UGT1A8: variants seen among roughly 807,000 people sequenced by gnomAD.
UGT1A8 encodes the protein UDP-glucuronosyltransferase 1A8.
A neutral mutation model predicts 45.3 loss-of-function variants in UGT1A8; 39 were observed. The ratio of observed to expected loss-of-function variants is 0.86; its 90% confidence interval spans 0.67 to 1.12. The LOEUF (loss-of-function observed/expected upper bound fraction) is 1.12, where lower values mean the gene tolerates loss of function less well. UGT1A8 is among the 50% of genes most tolerant of loss of function. The pLI is 0.00. For synonymous variants in UGT1A8, 275 were observed against 249.2 expected (o/e 1.10, Z -0.97); for missense variants, 719 against 664.9 (o/e 1.08, Z -0.90).
chr2:233,694,516 A>G (rs2125559626), intron 1 of UGT1A8, among the ~76,000 whole-genome samples: 1 of 152,322 alleles, frequency 6.6e-6, no homozygotes, highest in African/African-American at 2.4e-5. Context: ...CCTGACATGT[A>G]GGAAAAGGGC....
At chr2:233,756,789 G>A (rs1696325268) in intron 1 of UGT1A8, among the ~76,000 whole-genome samples, 1 of 151,900 alleles carries the variant, frequency 6.6e-6, no homozygotes, top group Admixed American at 6.6e-5. Context: ...AAATTGTGGG[G>A]CAATACACTA....
At chr2:233,713,126 G>A in intron 1 of UGT1A8, 1 of 1,614,234 alleles carries the variant, frequency 6.2e-7, no homozygotes. Context: ...TCAGCATGCG[G>A]GAGGCCTTGC....
At chr2:233,710,997 T>C (rs1288211350) in intron 1 of UGT1A8, among the ~76,000 whole-genome samples, 1 of 152,218 alleles carries the variant, frequency 6.6e-6, no homozygotes, top group Non-Finnish European at 1.5e-5. Context: ...ATCAGGCTAT[T>C]GGATGCCTTT....
In UGT1A8 at chr2:233,672,242, G is replaced by A. The variant is rs555995846; in HGVS notation, c.855+53680G>A. 3.4e-5 allele frequency: 55 copies of A among 1,614,166 alleles called. No homozygotes were observed. The East Asian group carries it at 8.0e-4, about 24-fold the overall frequency. The stretch of plus-strand genomic sequence containing the variant: ...CATGCTCAATGGAAAGCACAAGTAC[G>A]AAGTATATATTCTCTATTAATGGGT... On this transcript the variant is annotated intron_variant, in intron 1 of 4. Transcript: ENST00000373450.
At chr2:233,767,332 A>C (rs34743975) in intron 2 of UGT1A8, among the ~76,000 whole-genome samples, 167 bp downstream of exon 2, 47 of 152,148 alleles carry the variant, frequency 3.1e-4, no homozygotes, top group Admixed American at 1.7e-3. Flanking sequence ...GGTTGTTGTC[A>C]TTGTTTTCAA....
At chr2:233,643,937 C>T (rs2073529889) in intron 1 of UGT1A8, among the ~76,000 whole-genome samples, 1 of 152,140 alleles carries the variant, frequency 6.6e-6, no homozygotes, top group African/African-American at 2.4e-5. Context: ...AGACAAAGTC[C>T]TCCCCACTTT....
chr2:233,623,426 T>C (rs2073043835), intron 1 of UGT1A8, among the ~76,000 whole-genome samples: 1 of 152,324 alleles, frequency 6.6e-6, no homozygotes, highest in South Asian at 2.1e-4. Flanking sequence ...TAGTTCTCCT[T>C]GAAGAGGTCT....
chr2:233,694,648 C>CT (rs745676395), intron 1 of UGT1A8, among the ~76,000 whole-genome samples: 1 of 152,166 alleles, frequency 6.6e-6, no homozygotes, highest in Non-Finnish European at 1.5e-5. Context: ...TTTCCAGTTC[C>CT]TTTTTTATCA....
intron 1 of UGT1A8, among the ~76,000 whole-genome samples, chr2:233,727,577 G>T (rs1286576165): frequency 6.6e-6 from 1 of 152,206 alleles, no homozygotes; most frequent in Admixed American, 6.5e-5. Flanking sequence ...TGCTTAGGAA[G>T]CATATAGTTT....
In UGT1A8 at chr2:233,643,456, C is replaced by T. The variant is rs916992666; in HGVS notation, c.855+24894C>T. 3.9e-5 allele frequency among the ~76,000 whole-genome samples: 6 copies of T among 152,122 alleles called. No individual in the cohort carries two copies. In the South Asian group the frequency reaches 1.0e-3, roughly 26 times the overall value. ...ACTTGCCCTTCAAGGCAGTGGGCTC[C>T]CCTCTATCCCAGGGGAGCTCCAGAA... On this transcript the variant is annotated intron_variant, in intron 1 of 4. Transcript: ENST00000373450.
chr2:233,755,332 C>G, intron 1 of UGT1A8: 1 of 459,718 alleles, frequency 2.2e-6, no homozygotes, highest in Non-Finnish European at 3.7e-6. Flanking sequence ...CCAGCACCCG[C>G]GCACAGGTCA....
At chr2:233,737,511 CCT>C (rs2078889208) in intron 1 of UGT1A8, among the ~76,000 whole-genome samples, 2 of 152,340 alleles carry the variant, frequency 1.3e-5, no homozygotes, top group South Asian at 4.1e-4. Flanking sequence ...TCTTGCACTT[CCT>C]AGGTGAGGCG....
intron 1 of UGT1A8, chr2:233,730,097 T>C: frequency 6.3e-7 from 1 of 1,588,304 alleles, no homozygotes; most frequent in Non-Finnish European, 8.6e-7. Flanking sequence ...TTTCCAAATA[T>C]TTCATTTCTG....
At chr2:233,693,313 A>G (rs370458841) in intron 1 of UGT1A8, 16 of 1,614,100 alleles carry the variant, frequency 9.9e-6, no homozygotes, top group Non-Finnish European at 1.4e-5. Context: ...CTGAGCGATC[A>G]TTCCTAACTG....
At chr2:233,718,645 A>G in intron 1 of UGT1A8, 1 of 1,494,710 alleles carries the variant, frequency 6.7e-7, no homozygotes, top group Non-Finnish European at 9.0e-7. Context: ...GGTTGGGCCC[A>G]TAACGAAAGG....
intron 1 of UGT1A8, among the ~76,000 whole-genome samples, chr2:233,745,353 A>T (rs1446464476): frequency 1.3e-5 from 2 of 151,782 alleles, no homozygotes; most frequent in African/African-American, 2.4e-5. Flanking sequence ...TTTTGGGGGA[A>T]TTTTTTTGAG....
chr2:233,619,561 T>C (rs2072963152), intron 1 of UGT1A8, among the ~76,000 whole-genome samples: 1 of 152,210 alleles, frequency 6.6e-6, no homozygotes, highest in Non-Finnish European at 1.5e-5. Context: ...TCACTATTTA[T>C]TCAGGTCTTG....
chr2:233,643,468 G>C (rs927101057), intron 1 of UGT1A8, among the ~76,000 whole-genome samples: 1 of 152,016 alleles, frequency 6.6e-6, no homozygotes, highest in Non-Finnish European at 1.5e-5. Flanking sequence ...CTCTATCCCA[G>C]GGGAGCTCCA....
chr2:233,690,671 C>G, intron 1 of UGT1A8: 1 of 1,267,248 alleles, frequency 7.9e-7, no homozygotes, highest in South Asian at 1.3e-5. Context: ...CCAGGGCAGG[C>G]CTGGGTCTCC....
Sources: gnomAD v4.1 joint callset for allele counts (sites outside exome capture counted in the v4.1 genomes callset) on GRCh38, gnomAD v4.1.1 for gene constraint, MANE v1.5 for transcripts, NCBI Gene and HGNC (gene_info 2026-07-23, HGNC 2026-07-21) for gene names.